Variants in FNIP2 observed in about 807,000 individuals in gnomAD.
FNIP2 encodes the protein folliculin interacting protein 2.
In FNIP2, 32 loss-of-function variants were observed where a neutral mutation model predicts 108.7. That is an observed-to-expected ratio of 0.29 (90% CI 0.22 to 0.40). The LOEUF (loss-of-function observed/expected upper bound fraction) is 0.40, where lower values mean the gene tolerates loss of function less well. Ranked by LOEUF, FNIP2 falls within the 10% of genes least tolerant of loss-of-function variation. The probability of loss-of-function intolerance (pLI) is 1.00; values close to 1 mark genes in which losing one functional copy is unlikely to be tolerated. For synonymous variants in FNIP2, 480 were observed against 496.7 expected (o/e 0.97, Z 0.45); for missense variants, 1,202 against 1,381.6 (o/e 0.87, Z 2.06).
At chr4:158,903,863 C>T (rs1013480648) in intron 16 of FNIP2, among the ~76,000 whole-genome samples, 2 of 152,132 alleles carry the variant, frequency 1.3e-5, no homozygotes, top group Non-Finnish European at 2.9e-5. Flanking sequence ...ACTGTATCCA[C>T]CTCTGCTGTA....
At chr4:158,902,798 G>A (rs1276340293) in intron 16 of FNIP2, among the ~76,000 whole-genome samples, 2 of 152,310 alleles carry the variant, frequency 1.3e-5, no homozygotes, top group Admixed American at 6.5e-5. Flanking sequence ...AGGCTAAACC[G>A]CTTACTCAAG....
chr4:158,820,373 G>A (rs552882062), intron 1 of FNIP2, among the ~76,000 whole-genome samples: 1 of 152,194 alleles, frequency 6.6e-6, no homozygotes, highest in East Asian at 1.9e-4. Flanking sequence ...GGTCTCAAAG[G>A]ATATAGCAAA....
At chr4:158,838,953 A>T (rs1299215461) in intron 7 of FNIP2, among the ~76,000 whole-genome samples, 2 of 152,204 alleles carry the variant, frequency 1.3e-5, no homozygotes, top group Non-Finnish European at 2.9e-5. Context: ...TCATGATTAC[A>T]CTGAGGTTGT....
chr4:158,806,392 A>G lies in FNIP2; in HGVS notation c.108-19524A>G, dbSNP rs866656975. 30 of 1,289,322 alleles carry G rather than the reference A, an allele frequency of 2.3e-5. No individual in the cohort carries two copies. The African/African-American group carries it at 4.4e-4, about 19-fold the overall frequency. The allele number at this position is 1,289,322 out of a possible 1,614,324, so 79.9% of individuals were successfully genotyped here. ...GATTAAAAAACACACCGGAGTAGACAGGAGCACTGACCACACGGAACTCGA... is the reference window on the plus strand; with the variant it reads ...GATTAAAAAACACACCGGAGTAGACGGGAGCACTGACCACACGGAACTCGA... On this transcript the variant is annotated intron_variant, in intron 1 of 16. Coordinates refer to ENST00000264433, the MANE Select transcript of FNIP2 (RefSeq NM_020840.3).
At chr4:158,824,830 C>T (rs1778067107) in intron 1 of FNIP2, among the ~76,000 whole-genome samples, 1 of 152,032 alleles carries the variant, frequency 6.6e-6, no homozygotes, top group Admixed American at 6.5e-5. Flanking sequence ...TACACCTTAC[C>T]ACCTCCTTCT....
intron 1 of FNIP2, among the ~76,000 whole-genome samples, chr4:158,825,135 A>C (rs1043399930): frequency 2.6e-5 from 4 of 152,230 alleles, no homozygotes; most frequent in Non-Finnish European, 2.9e-5. Context: ...CATCACAGAC[A>C]CTCAAATATG....
chr4:158,781,790 T>G (rs1384379754), intron 1 of FNIP2, among the ~76,000 whole-genome samples: 2 of 152,216 alleles, frequency 1.3e-5, no homozygotes, highest in Non-Finnish European at 2.9e-5. Context: ...GGTGCTGGGA[T>G]TACAGGCGGG....
chr4:158,904,421 C>A, intron 16 of FNIP2, 45 bp from the exon 17 acceptor site: 1 of 1,458,896 alleles, frequency 6.9e-7, no homozygotes, highest in Non-Finnish European at 9.6e-7. Flanking sequence ...TCTCATAAAA[C>A]CATGCTCTTT....
chr4:158,861,920 A>G lies in FNIP2; in HGVS notation c.1465+144A>G. 6.1e-6 allele frequency: 6 copies of G among 985,068 alleles called. 1 individual carries two copies. In the South Asian group the frequency reaches 9.4e-5, roughly 15 times the overall value. 61.0% of individuals were successfully genotyped at this position (985,068 alleles called of 1,614,324 possible). A position where few individuals can be genotyped will look rare whatever the true frequency, so the allele number is the denominator to read the frequency against. On this transcript the variant is annotated intron_variant, in intron 12 of 16. Coordinates refer to ENST00000264433, the MANE Select transcript of FNIP2 (RefSeq NM_020840.3). The stretch of plus-strand genomic sequence containing the variant: ...TGAGGAATAGGAAGTTGGTCCCTGG[A>G]TTCTAATTGTAGACCCACGACCTTC...
chr4:158,782,786 C>G (rs964000010), intron 1 of FNIP2, among the ~76,000 whole-genome samples: 3 of 151,996 alleles, frequency 2.0e-5, no homozygotes, highest in Non-Finnish European at 4.4e-5. Context: ...GGGAAGCTCC[C>G]AATTGTCCAG....
intron 6 of FNIP2, 139 bp downstream of exon 6, chr4:158,833,767 T>C (rs1393845241): frequency 6.7e-7 from 1 of 1,496,244 alleles, no homozygotes; most frequent in South Asian, 1.2e-5. Context: ...TATGTGTACT[T>C]TGTTTGCCCT....
At chr4:158,785,710 C>CTTT (rs11399957) in intron 1 of FNIP2, among the ~76,000 whole-genome samples, 21 of 144,114 alleles carry the variant, frequency 1.5e-4, no homozygotes, top group African/African-American at 5.4e-4. Flanking sequence ...TTCTTTCTTT[C>CTTT]TTTTTTTTTT....
chr4:158,900,106 A>C (rs1729061622), intron 16 of FNIP2, among the ~76,000 whole-genome samples: 1 of 152,226 alleles, frequency 6.6e-6, no homozygotes, highest in Non-Finnish European at 1.5e-5. Flanking sequence ...TTATGTACCC[A>C]GTAGTCATTC....
chr4:158,840,571 T>A (rs1278359353), intron 7 of FNIP2, among the ~76,000 whole-genome samples: 1 of 152,146 alleles, frequency 6.6e-6, no homozygotes, highest in African/African-American at 2.4e-5. Context: ...AATTTTTGTA[T>A]TTTCAGTAGA....
chr4:158,885,327 T>G (rs937987716), intron 14 of FNIP2, among the ~76,000 whole-genome samples: 13 of 152,108 alleles, frequency 8.5e-5, no homozygotes, highest in African/African-American at 3.1e-4. Flanking sequence ...AGGGGTCTTA[T>G]TGGGAACTGA....
intron 1 of FNIP2, among the ~76,000 whole-genome samples, chr4:158,815,894 T>C (rs1388877106): frequency 1.3e-5 from 2 of 152,216 alleles, no homozygotes; most frequent in Non-Finnish European, 2.9e-5. Flanking sequence ...TCCTTATTCT[T>C]TGCTGTGTCA....
chr4:158,812,986 A>G (rs1777362156), intron 1 of FNIP2, among the ~76,000 whole-genome samples: 2 of 152,020 alleles, frequency 1.3e-5, no homozygotes. Context: ...AGAATCATAC[A>G]GTATGTACCC....
intron 7 of FNIP2, among the ~76,000 whole-genome samples, chr4:158,840,304 T>C (rs1346100155): frequency 6.6e-6 from 1 of 152,218 alleles, no homozygotes; most frequent in South Asian, 2.1e-4. Context: ...AATGTCTACA[T>C]GTTCTCCAGT....
chr4:158,870,501 C>A, intron 14 of FNIP2, 32 bp downstream of exon 14: 1 of 1,576,904 alleles, frequency 6.3e-7, no homozygotes, highest in South Asian at 1.1e-5. Flanking sequence ...CCTCTGGCTG[C>A]TGACAGTGTG....
Sources: gnomAD v4.1 joint callset for allele counts (sites outside exome capture counted in the v4.1 genomes callset) on GRCh38, gnomAD v4.1.1 for gene constraint, MANE v1.5 for transcripts, NCBI Gene and HGNC (gene_info 2026-07-23, HGNC 2026-07-21) for gene names.